ZNF276: variants seen among roughly 807,000 people sequenced by gnomAD.
The protein encoded by ZNF276 is centromere protein Z.
In ZNF276, 59 loss-of-function variants were observed where a neutral mutation model predicts 63.9. The ratio of observed to expected loss-of-function variants is 0.92; its 90% CI spans 0.75 to 1.15. The LOEUF is 1.15. Ranked by LOEUF, ZNF276 falls within the 50% of genes most tolerant of loss-of-function variation. ZNF276 has a pLI of 0.00. For synonymous variants in ZNF276, 496 were observed against 348.4 expected (o/e 1.42, Z -4.72); for missense variants, 1,084 against 843.8 (o/e 1.28, Z -3.53).
In ZNF276 at chr16:89,733,665, T is replaced by A. The variant is rs185012025; in HGVS notation, c.1356+108T>A. 1.1e-4 allele frequency: 139 copies of A among 1,322,862 alleles called. 1 individual carries two copies. In the African/African-American group the frequency reaches 1.9e-3, roughly 18 times the overall value. 81.9% of individuals were successfully genotyped at this position (1,322,862 alleles called of 1,614,324 possible). A position where few individuals can be genotyped will look rare whatever the true frequency, so the allele number is the denominator to read the frequency against. ...CTCAGACTTGCGCCCAAGGACACTT[T>A]GACCTAGGTTAACCGAGACCTGAAG... On this transcript the variant is annotated intron_variant, in intron 8 of 10. Coordinates refer to ENST00000443381, the MANE Select transcript of ZNF276 (RefSeq NM_001113525.2).
At chr16:89,729,138 C>A in intron 5 of ZNF276, 97 bp from the exon 6 acceptor site, 1 of 945,846 alleles carries the variant, frequency 1.1e-6, no homozygotes, top group Non-Finnish European at 1.7e-6. Flanking sequence ...AAATGTGGGA[C>A]ATGGGGGTCC....
intron 5 of ZNF276, 42 bp from the exon 6 acceptor site, chr16:89,729,193 C>G (rs1391491339): frequency 6.4e-7 from 1 of 1,572,672 alleles, no homozygotes; most frequent in African/African-American, 1.4e-5. Context: ...CTGTCACTGC[C>G]CAGGCCCAGG....
At chr16:89,728,233 CT>C (rs957181637) in intron 5 of ZNF276, among the ~76,000 whole-genome samples, 9 of 109,910 alleles carry the variant, frequency 8.2e-5, no homozygotes, top group East Asian at 5.0e-4. Context: ...CTTTTGTGAA[CT>C]TTTTTTTTTA....
intron 4 of ZNF276, among the ~76,000 whole-genome samples, chr16:89,724,444 C>A (rs1401423055): frequency 6.6e-6 from 1 of 152,140 alleles, no homozygotes; most frequent in African/African-American, 2.4e-5. Flanking sequence ...GTCACGAGAT[C>A]AAGACCAACC....
chr16:89,735,345 G>A (rs1220741350), intron 9 of ZNF276, among the ~76,000 whole-genome samples: 2 of 152,016 alleles, frequency 1.3e-5, no homozygotes, highest in African/African-American at 2.4e-5. Context: ...TACACACACA[G>A]TTTTCCTTGG....
chr16:89,721,023 G>A (rs946862669), upstream of ZNF276: 29 of 650,228 alleles, frequency 4.5e-5, no homozygotes, highest in South Asian at 2.5e-4. Flanking sequence ...CGTACTGCGG[G>A]CCCCACGGGT....
chr16:89,724,085 C>A (rs1034886078), intron 4 of ZNF276, among the ~76,000 whole-genome samples: 1 of 152,230 alleles, frequency 6.6e-6, no homozygotes, highest in African/African-American at 2.4e-5. Context: ...GCGGCTGCTG[C>A]CCTGGGCCAG....
rs1202264366 is a variant in ZNF276 at position 89,729,227 on chromosome 16, A to G, written c.1086-8A>G. On this transcript the variant is annotated splice_polypyrimidine_tract_variant and splice_region_variant and intron_variant, in intron 5 of 10. Coordinates refer to ENST00000443381, the MANE Select transcript of ZNF276 (RefSeq NM_001113525.2). Reference sequence around the variant, plus strand: ...GGGCTTTGCTGAAGATTCTCTCTTAATTCCTAGAGACGTCTTGAGTGAAGA... The same window carrying G: ...GGGCTTTGCTGAAGATTCTCTCTTAGTTCCTAGAGACGTCTTGAGTGAAGA... 1 of 1,613,544 alleles carries G rather than the reference A, an allele frequency of 6.2e-7. No homozygotes were observed. Among genetic ancestry groups the G allele is most frequent in the Non-Finnish European group, 8.5e-7 (1 of 1,179,652 alleles).
At chr16:89,720,631 G>A, upstream of ZNF276, 1 of 1,229,040 alleles carries the variant, frequency 8.1e-7, no homozygotes, top group South Asian at 3.0e-5. Context: ...CCCGGGAACC[G>A]CGGCCCGGGA....
chr16:89,733,565 C>G lies in ZNF276; in HGVS notation c.1356+8C>G, dbSNP rs760833128. The G allele has an allele frequency of 6.2e-7, 1 of 1,613,636 alleles. No individual in the cohort carries two copies. Among genetic ancestry groups the G allele is most frequent in the Non-Finnish European group, 8.5e-7 (1 of 1,180,002 alleles). ...GGCGCTGACGGCATGAAGGTGAGCA[C>G]TGGCTGTGCCTGACCCAGGCCCGGC... On this transcript the variant is annotated splice_region_variant and intron_variant, in intron 8 of 10. Coordinates refer to ENST00000443381, the MANE Select transcript of ZNF276 (RefSeq NM_001113525.2).
At position 89,740,694 on chromosome 16, in the gene ZNF276, C is replaced by T. The variant is rs2151716400; in HGVS notation, c.*2448C>T. 2.9e-5 allele frequency: 25 copies of T among 851,314 alleles called. 1 individual carries two copies. The South Asian group carries it at 3.6e-4, about 12-fold the overall frequency. 52.7% of individuals were successfully genotyped at this position (851,314 alleles called of 1,614,324 possible). A position where few individuals can be genotyped will look rare whatever the true frequency, so the allele number is the denominator to read the frequency against. On this transcript the variant is annotated 3_prime_UTR_variant, in exon 11 of 11. Transcript: ENST00000443381. Reference sequence around the variant, plus strand: ...GTTCTCACTCACACTTCCGCAAACACAAGGAGCTCCTGAGCTAGTCTGGAA... The same window carrying T: ...GTTCTCACTCACACTTCCGCAAACATAAGGAGCTCCTGAGCTAGTCTGGAA...
In ZNF276 at chr16:89,739,750, A is replaced by C; in HGVS notation, c.*1504A>C. The stretch of plus-strand genomic sequence containing the variant: ...GATGGGGGGGTCGACCTCTTGCAGG[A>C]GGGTGGGTGTGGTGCAGAGAGAGGC... On this transcript the variant is annotated 3_prime_UTR_variant, in exon 11 of 11. Transcript: ENST00000443381. 1 of 1,487,808 alleles carries C rather than the reference A, an allele frequency of 6.7e-7. No individual in the cohort carries two copies. The highest frequency in any genetic ancestry group is 1.3e-5 in the South Asian group (1 of 74,954). 92.2% of individuals were successfully genotyped at this position (1,487,808 alleles called of 1,614,324 possible).
rs1361652814 is a variant in ZNF276, at chr16:89,738,657, T to C, written c.*411T>C. On this transcript the variant is annotated 3_prime_UTR_variant, in exon 11 of 11. Transcript: ENST00000443381. Reference sequence around the variant, plus strand: ...GCGTCAGGGGCAGCCTGCTGTCTGCTCTGGAGGGCGGCGCTCACCTCTGGG... The same window carrying C: ...GCGTCAGGGGCAGCCTGCTGTCTGCCCTGGAGGGCGGCGCTCACCTCTGGG... The C allele has an allele frequency of 6.2e-7, 1 of 1,613,602 alleles. No homozygotes were observed. Among genetic ancestry groups the C allele is most frequent in the South Asian group, 1.1e-5 (1 of 91,054 alleles).
At chr16:89,725,557 T>G (rs528345767) in intron 4 of ZNF276, among the ~76,000 whole-genome samples, 3 of 151,866 alleles carry the variant, frequency 2.0e-5, no homozygotes, top group African/African-American at 7.2e-5. Context: ...TCTGGGATGC[T>G]GAGGTAGGCG....
chr16:89,720,912 C>T, upstream of ZNF276: 7 of 1,269,316 alleles, frequency 5.5e-6, no homozygotes, highest in South Asian at 2.5e-5. Context: ...GGACGGGCGA[C>T]CGGAGGCCCG....
chr16:89,722,808 G>C lies in ZNF276; in HGVS notation c.483G>C (p.Pro161=), dbSNP rs201399472. Residue 161 remains proline (P), a synonymous_variant, in exon 2 of 11, where the codon CCG becomes CCC. Transcript: ENST00000443381. ...KSFLQRVNAS[P]AGRRKPCAKV... ...TCCTGCAGAGGGTCAACGCCTCCCC[G>C]GCTGGTCGCCGGAAGCCTTGTGCAA... 71 of 1,604,906 alleles carry C rather than the reference G, an allele frequency of 4.4e-5. No homozygotes were observed. Among genetic ancestry groups the C allele is most frequent in the Non-Finnish European group, 5.8e-5 (69 of 1,179,896 alleles).
chr16:89,723,497 AAG>A lies in ZNF276; in HGVS notation c.798_799del (p.Glu266AspfsTer23). On this transcript the variant is annotated frameshift_variant, in exon 4 of 11. Transcript: ENST00000443381. LOFTEE classifies it high-confidence loss of function. ...CTGGCAGTCAAGTGGCCATGGGACA[AAG>A]AGACGGCGCCACGGCTGCCCCAGCA... is the stretch of plus-strand genomic sequence containing the variant. The A allele has an allele frequency of 6.2e-7, 1 of 1,612,938 alleles. No homozygotes were observed. Among genetic ancestry groups the A allele is most frequent in the Non-Finnish European group, 8.5e-7 (1 of 1,180,014 alleles).
rs1257557473 is a variant in ZNF276, at chr16:89,739,292, A to G, written c.*1046A>G. On this transcript the variant is annotated 3_prime_UTR_variant, in exon 11 of 11. Transcript: ENST00000443381. ...CTTCATGGAAGTAGGAGAGAAGACT[A>G]GAGGTAAAGACATAGTGACAAATGG... The G allele has an allele frequency of 2.5e-6, 4 of 1,614,102 alleles. No individual in the cohort carries two copies. Among genetic ancestry groups the G allele is most frequent in the Non-Finnish European group, 3.4e-6 (4 of 1,180,006 alleles).
chr16:89,739,199 G>C lies in ZNF276; in HGVS notation c.*953G>C. The C allele has an allele frequency of 6.2e-7, 1 of 1,614,194 alleles. No individual in the cohort carries two copies. The highest frequency in any genetic ancestry group is 1.1e-5 in the South Asian group (1 of 91,090). ...CTGTGCTTGTATCCCCAGCCACGAAGAGCTGGACCAGCTTCAAGTACATGT... is the reference window on the plus strand; with the variant it reads ...CTGTGCTTGTATCCCCAGCCACGAACAGCTGGACCAGCTTCAAGTACATGT... On this transcript the variant is annotated 3_prime_UTR_variant, in exon 11 of 11. Transcript: ENST00000443381.
Sources: gnomAD v4.1 joint callset for allele counts (sites outside exome capture counted in the v4.1 genomes callset) on GRCh38, gnomAD v4.1.1 for gene constraint, MANE v1.5 for transcripts, NCBI Gene and HGNC (gene_info 2026-07-23, HGNC 2026-07-21) for gene names.